Variants in PHKB observed in about 807,000 individuals in gnomAD.
PHKB encodes the protein phosphorylase b kinase regulatory subunit beta.
A neutral mutation model predicts 152.1 loss-of-function variants in PHKB; 122 were observed. The ratio of observed to expected loss-of-function variants is 0.80; its 90% CI spans 0.69 to 0.93. The LOEUF is 0.93. Among genes scored for constraint, PHKB ranks in the 40% least tolerant of loss-of-function variants. The probability of loss-of-function intolerance (pLI) is 0.00; values close to 1 mark genes in which losing one functional copy is unlikely to be tolerated. For synonymous variants in PHKB, 436 were observed against 464.9 expected (o/e 0.94, Z 0.80); for missense variants, 1,304 against 1,328.4 (o/e 0.98, Z 0.29).
At chr16:47,547,024 G>T (rs1322079014) in intron 6 of PHKB, among the ~76,000 whole-genome samples, 3 of 152,156 alleles carry the variant, frequency 2.0e-5, no homozygotes, top group Non-Finnish European at 4.4e-5. Context: ...GCTTCCCTTG[G>T]CTAGGAAAGG....
At chr16:47,663,050 T>G (rs1357050890) in intron 23 of PHKB, among the ~76,000 whole-genome samples, 1 of 152,168 alleles carries the variant, frequency 6.6e-6, no homozygotes, top group East Asian at 1.9e-4. Flanking sequence ...CTACAGAATC[T>G]GAATATAATT....
At chr16:47,466,117 T>A (rs964478348) in intron 1 of PHKB, among the ~76,000 whole-genome samples, 10 of 152,220 alleles carry the variant, frequency 6.6e-5, no homozygotes, top group African/African-American at 2.4e-5. Flanking sequence ...TGTATTTCTG[T>A]GTGTGCATAC....
intron 16 of PHKB, among the ~76,000 whole-genome samples, chr16:47,647,991 A>G (rs1307341090): frequency 2.6e-5 from 4 of 152,194 alleles, no homozygotes; most frequent in African/African-American, 9.7e-5. Context: ...TGAACTATAT[A>G]TACCCCTTTC....
chr16:47,678,841 TG>T (rs1410223667), intron 26 of PHKB, among the ~76,000 whole-genome samples: 2 of 152,204 alleles, frequency 1.3e-5, no homozygotes, highest in African/African-American at 4.8e-5. Context: ...ATGCAGTCCT[TG>T]CCCATGCCTG....
intron 29 of PHKB, among the ~76,000 whole-genome samples, chr16:47,697,914 T>G (rs1352592205): frequency 6.6e-6 from 1 of 152,180 alleles, no homozygotes; most frequent in Non-Finnish European, 1.5e-5. Context: ...GTTAAACATA[T>G]TTTTTTAAAA....
chr16:47,537,690 T>C (rs921410726), intron 6 of PHKB, among the ~76,000 whole-genome samples: 1 of 151,404 alleles, frequency 6.6e-6, no homozygotes, highest in African/African-American at 2.4e-5. Context: ...TGGAAAAGAG[T>C]GGTCTGATGG....
At chr16:47,663,089 A>G (rs773985899) in intron 23 of PHKB, among the ~76,000 whole-genome samples, 12 of 152,174 alleles carry the variant, frequency 7.9e-5, no homozygotes, top group Non-Finnish European at 1.3e-4. Flanking sequence ...GGCTGTAAAA[A>G]GTTTAGAGTA....
At chr16:47,503,551 C>T (rs981909128) in intron 4 of PHKB, among the ~76,000 whole-genome samples, 27 of 152,148 alleles carry the variant, frequency 1.8e-4, no homozygotes, top group Non-Finnish European at 8.8e-5. Context: ...GCTTTACAGG[C>T]CAGGCGCAGT....
intron 6 of PHKB, among the ~76,000 whole-genome samples, chr16:47,530,890 C>G (rs1394981791): frequency 6.6e-6 from 1 of 152,160 alleles, no homozygotes; most frequent in Non-Finnish European, 1.5e-5. Flanking sequence ...TTATTAATCT[C>G]TAAACTCAAC....
intron 14 of PHKB, among the ~76,000 whole-genome samples, chr16:47,631,904 T>C (rs1466314732): frequency 6.6e-6 from 1 of 152,126 alleles, no homozygotes; most frequent in Non-Finnish European, 1.5e-5. Flanking sequence ...TTGGTTGCTA[T>C]TGTGAACAGT....
intron 6 of PHKB, among the ~76,000 whole-genome samples, chr16:47,518,262 A>G (rs920962061): frequency 2.0e-5 from 3 of 152,234 alleles, no homozygotes; most frequent in African/African-American, 7.2e-5. Context: ...TTGGAGATAT[A>G]CATATGTGCA....
At chr16:47,603,645 A>G (rs1972273805) in intron 13 of PHKB, among the ~76,000 whole-genome samples, 1 of 151,912 alleles carries the variant, frequency 6.6e-6, no homozygotes, top group South Asian at 2.1e-4. Context: ...CTGGGGCTAC[A>G]GGTGCTCACC....
Position 47,587,727 on chromosome 16 carries a change from T to G in PHKB, c.834T>G (p.Thr278=). The G allele has an allele frequency of 6.2e-7, 1 of 1,613,694 alleles. No homozygotes were observed. The highest frequency in any genetic ancestry group is 8.5e-7 in the Non-Finnish European group (1 of 1,179,602). ...ATGCTCACAATCGCAACAGGCAAAC[T>G]TTGTGCTCGCTGTTACCCAGAGAAT... ...DLDAHNRNRQ[T]LCSLLPRESR... is the part of the protein sequence containing the mutation. Residue 278 remains threonine, a synonymous_variant, in exon 9 of 31, where the codon ACT becomes ACG. Transcript: ENST00000323584.
chr16:47,673,455 TC>T (rs1172746981), intron 26 of PHKB, among the ~76,000 whole-genome samples: 2 of 152,146 alleles, frequency 1.3e-5, no homozygotes, highest in Non-Finnish European at 2.9e-5. Context: ...TTAAATCATG[TC>T]CTTCAGGAAA....
intron 7 of PHKB, among the ~76,000 whole-genome samples, chr16:47,555,141 T>G (rs1256049474): frequency 6.6e-6 from 1 of 152,236 alleles, no homozygotes; most frequent in Non-Finnish European, 1.5e-5. Flanking sequence ...GCTTATTACT[T>G]AAGGTAACTA....
chr16:47,687,025 C>A (rs1489166503), intron 26 of PHKB, among the ~76,000 whole-genome samples: 1 of 152,102 alleles, frequency 6.6e-6, no homozygotes, highest in African/African-American at 2.4e-5. Context: ...GGTTATGTCT[C>A]TTAAATCACT....
At chr16:47,630,447 A>AAC (rs1972806612) in intron 14 of PHKB, among the ~76,000 whole-genome samples, 1 of 151,874 alleles carries the variant, frequency 6.6e-6, no homozygotes, top group Non-Finnish European at 1.5e-5. Flanking sequence ...TCGCTGCTGC[A>AAC]CTCCAGCCTG....
chr16:47,492,963 G>T (rs190815222), intron 1 of PHKB, among the ~76,000 whole-genome samples: 1 of 152,230 alleles, frequency 6.6e-6, no homozygotes, highest in Admixed American at 6.5e-5. Context: ...AAAATTTATC[G>T]GGCAAAAAGG....
intron 26 of PHKB, among the ~76,000 whole-genome samples, chr16:47,677,003 C>T (rs1973744092): frequency 6.6e-6 from 1 of 152,180 alleles, no homozygotes; most frequent in Non-Finnish European, 1.5e-5. Flanking sequence ...CCTCTGATGC[C>T]CAAAACCGTA....
Sources: gnomAD v4.1 joint callset for allele counts (sites outside exome capture counted in the v4.1 genomes callset) on GRCh38, gnomAD v4.1.1 for gene constraint, MANE v1.5 for transcripts, NCBI Gene and HGNC (gene_info 2026-07-23, HGNC 2026-07-21) for gene names.